PPP2R3A: variants seen among roughly 807,000 people sequenced by gnomAD.
PPP2R3A encodes serine/threonine-protein phosphatase 2A regulatory subunit B'' subunit alpha.
A neutral mutation model predicts 106.9 loss-of-function variants in PPP2R3A; 80 were observed. The observed-to-expected ratio is 0.75, with a 90% CI of 0.62 to 0.90. PPP2R3A has a LOEUF of 0.90. Among genes scored for constraint, PPP2R3A ranks in the 40% least tolerant of loss-of-function variants. PPP2R3A has a pLI of 0.00. For synonymous variants in PPP2R3A, 483 were observed against 468.3 expected (o/e 1.03, Z -0.41); for missense variants, 1,386 against 1,350.4 (o/e 1.03, Z -0.41).
intron 3 of PPP2R3A, among the ~76,000 whole-genome samples, chr3:136,030,788 A>G (rs1383394343): frequency 1.4e-5 from 2 of 141,310 alleles, no homozygotes; most frequent in Admixed American, 7.0e-5. Flanking sequence ...ATATGTATGT[A>G]TGTATGTATG....
chr3:135,969,366 T>C (rs1937176222), intron 1 of PPP2R3A, among the ~76,000 whole-genome samples: 1 of 152,110 alleles, frequency 6.6e-6, no homozygotes, highest in Non-Finnish European at 1.5e-5. Context: ...GATTTGGTGG[T>C]TGATATGGTA....
At position 136,001,111 on chromosome 3, in the gene PPP2R3A, G is replaced by A; in HGVS notation, c.-388G>A. On this transcript the variant is annotated 5_prime_UTR_variant, in exon 2 of 14. Coordinates refer to ENST00000264977, the MANE Select transcript of PPP2R3A (RefSeq NM_002718.5). ...ATCATTTAAACCTTTGGAGGACTCAGTTATCACAATACTTCTCTACTACCA... is the reference window on the plus strand; with the variant it reads ...ATCATTTAAACCTTTGGAGGACTCAATTATCACAATACTTCTCTACTACCA... 2.5e-6 allele frequency: 1 copy of A among 399,112 alleles called. No individual in the cohort carries two copies. Among genetic ancestry groups the A allele is most frequent in the Admixed American group, 4.4e-5 (1 of 22,828 alleles). The allele number at this position is 399,112 out of a possible 1,614,324, so 24.7% of individuals were successfully genotyped here.
At chr3:136,079,711 C>G (rs1396931717) in intron 7 of PPP2R3A, among the ~76,000 whole-genome samples, 1 of 151,490 alleles carries the variant, frequency 6.6e-6, no homozygotes, top group Non-Finnish European at 1.5e-5. Context: ...CTGGCCTAAT[C>G]CATATTTTTT....
intron 3 of PPP2R3A, among the ~76,000 whole-genome samples, chr3:136,038,777 A>C (rs1267488166): frequency 6.6e-6 from 1 of 152,242 alleles, no homozygotes; most frequent in African/African-American, 2.4e-5. Context: ...GGATTGGGGA[A>C]AGTGGATTCA....
At chr3:135,975,910 T>C (rs1937406797) in intron 1 of PPP2R3A, among the ~76,000 whole-genome samples, 1 of 152,208 alleles carries the variant, frequency 6.6e-6, no homozygotes. Flanking sequence ...AACATACTGT[T>C]AGGCTAAAAA....
At chr3:136,013,485 G>A (rs1934163346) in intron 2 of PPP2R3A, among the ~76,000 whole-genome samples, 1 of 151,976 alleles carries the variant, frequency 6.6e-6, no homozygotes, top group Non-Finnish European at 1.5e-5. Flanking sequence ...GTGTAAAAAT[G>A]TTCCCTTATC....
chr3:136,106,406 TTC>T, intron 13 of PPP2R3A, 84 bp downstream of exon 13: 1 of 1,182,908 alleles, frequency 8.5e-7, no homozygotes, highest in Non-Finnish European at 1.2e-6. Flanking sequence ...CAAAATCCTT[TTC>T]TGTTTTTTCC....
chr3:136,061,156 C>T (rs986565007), intron 5 of PPP2R3A, among the ~76,000 whole-genome samples: 3 of 151,964 alleles, frequency 2.0e-5, no homozygotes, highest in Non-Finnish European at 4.4e-5. Context: ...TTGAGGATAT[C>T]TTTCAGAGAG....
chr3:136,034,036 T>A (rs1190052791), intron 3 of PPP2R3A, among the ~76,000 whole-genome samples: 1 of 141,128 alleles, frequency 7.1e-6, no homozygotes, highest in African/African-American at 2.5e-5. Context: ...TCTTTTTCTT[T>A]TTCTTTTTTT....
intron 13 of PPP2R3A, among the ~76,000 whole-genome samples, chr3:136,118,728 C>A (rs964418135): frequency 6.7e-6 from 1 of 149,090 alleles, no homozygotes; most frequent in East Asian, 1.9e-4. Flanking sequence ...TAAGAGAGGA[C>A]ACAAATGGGA....
At chr3:136,078,519 A>G (rs1378349187) in intron 7 of PPP2R3A, 66 bp downstream of exon 7, 26 of 1,067,390 alleles carry the variant, frequency 2.4e-5, no homozygotes, top group East Asian at 4.9e-5. Context: ...TTATTTAACA[A>G]ATATTTGAGC....
At chr3:135,977,859 C>T (rs1312524827) in intron 1 of PPP2R3A, among the ~76,000 whole-genome samples, 1 of 151,742 alleles carries the variant, frequency 6.6e-6, no homozygotes, top group African/African-American at 2.4e-5. Flanking sequence ...GCCACCACTG[C>T]CCGGCTAATA....
chr3:136,065,375 G>T (rs1017277318), intron 5 of PPP2R3A, among the ~76,000 whole-genome samples: 4 of 152,174 alleles, frequency 2.6e-5, no homozygotes, highest in African/African-American at 9.7e-5. Flanking sequence ...AAAGATGGAA[G>T]GGTGGGGTAG....
At position 136,031,869 on chromosome 3, in the gene PPP2R3A, A is replaced by G. The variant is rs534562518; in HGVS notation, c.2262+4771A>G. On this transcript the variant is annotated intron_variant, in intron 3 of 13. Transcript: ENST00000264977. The stretch of plus-strand genomic sequence containing the variant: ...TTCTGTTCCACTGGTCTATGTGCCT[A>G]TTTTTATAACAGTACCATGCTGTTT... 2.9e-4 allele frequency among the ~76,000 whole-genome samples: 44 copies of G among 152,220 alleles called. No homozygotes were observed. In the South Asian group the frequency reaches 3.3e-3, roughly 11 times the overall value.
chr3:136,055,544 C>T, intron 5 of PPP2R3A: 1 of 1,330,998 alleles, frequency 7.5e-7, no homozygotes, highest in South Asian at 1.2e-5. Flanking sequence ...CATTCACTGA[C>T]CATGCTGCTC....
chr3:136,146,755 C>T lies in PPP2R3A; in HGVS notation c.*1589C>T, dbSNP rs1939142832. The T allele has an allele frequency of 6.6e-6, 1 of 151,686 alleles. No individual in the cohort carries two copies. Among genetic ancestry groups the T allele is most frequent in the South Asian group, 2.1e-4 (1 of 4,824 alleles). 9.4% of individuals were successfully genotyped at this position (151,686 alleles called of 1,614,324 possible). A position where few individuals can be genotyped will look rare whatever the true frequency, so the allele number is the denominator to read the frequency against. On this transcript the variant is annotated 3_prime_UTR_variant, in exon 14 of 14. Transcript: ENST00000264977. Reference sequence around the variant, plus strand: ...AAACACAATATTCAAAATCTAAACACACTGATAAATTATTAAGATTAAGAT... The same window carrying T: ...AAACACAATATTCAAAATCTAAACATACTGATAAATTATTAAGATTAAGAT...
At chr3:136,071,052 C>T (rs1936414919) in intron 6 of PPP2R3A, among the ~76,000 whole-genome samples, 1 of 152,238 alleles carries the variant, frequency 6.6e-6, no homozygotes, top group African/African-American at 2.4e-5. Context: ...GGCACAGCCT[C>T]ATTTGGTCAG....
chr3:136,090,830 G>A (rs1388662944), intron 10 of PPP2R3A, among the ~76,000 whole-genome samples, 163 bp downstream of exon 10: 1 of 152,210 alleles, frequency 6.6e-6, no homozygotes, highest in Non-Finnish European at 1.5e-5. Context: ...CAGGAGATTG[G>A]CACTGAATCC....
At chr3:136,079,837 G>GA (rs1177484845) in intron 7 of PPP2R3A, among the ~76,000 whole-genome samples, 1 of 151,450 alleles carries the variant, frequency 6.6e-6, no homozygotes, top group African/African-American at 2.4e-5. Context: ...TGCTGAACTG[G>GA]AAAAAGAACT....
Sources: allele counts gnomAD v4.1 joint callset (sites outside exome capture counted in the v4.1 genomes callset), GRCh38; gene constraint gnomAD v4.1.1; transcripts MANE v1.5; gene names NCBI Gene and HGNC (gene_info 2026-07-23, HGNC 2026-07-21).